Variants in ZSCAN32 observed in about 807,000 individuals in gnomAD.
ZSCAN32 encodes zinc finger and SCAN domain containing 32.
A neutral mutation model predicts 47.4 loss-of-function variants in ZSCAN32; 52 were observed. The observed-to-expected ratio is 1.10, with a 90% CI of 0.88 to 1.38. The LOEUF is 1.38. Among genes scored for constraint, ZSCAN32 ranks in the 40% most tolerant of loss-of-function variants. The pLI, the probability that ZSCAN32 is intolerant of heterozygous loss-of-function variation, is 0.00. For missense variants in ZSCAN32, 959 were observed against 846.0 expected (o/e 1.13, Z -1.66); for synonymous variants, 346 against 305.7 (o/e 1.13, Z -1.38).
chr16:3,384,770 G>C lies in ZSCAN32; in HGVS notation c.923C>G (p.Thr308Ser). The change falls in exon 6 of 7, where the codon ACC (threonine) becomes AGC (serine). Residue 308 changes from threonine to serine, a missense_variant. By Grantham distance (58) the Thr-to-Ser change is moderately conservative (BLOSUM62 1). Transcript: ENST00000396852. Reference protein sequence around the residue: ...GFLRTPEQCRTKFKSLQLSYR... With the variant: ...GFLRTPEQCRSKFKSLQLSYR... ...ACTCAACTGTAGGCTTTTGAACTTG[G>C]TGCGACACTGTTCTGGGGTCCGCAG... is the stretch of plus-strand genomic sequence containing the variant. The C allele has an allele frequency of 1.2e-6, 2 of 1,614,172 alleles. No homozygotes were observed. The highest frequency in any genetic ancestry group is 2.2e-5 in the South Asian group (2 of 91,086).
rs372222404 is a variant in ZSCAN32 at position 3,383,409 on chromosome 16, G to C, written c.1537C>G (p.Pro513Ala). ...CSQSVHSPHK[P>A]ALKLEKVSQC... ...GATACTTTTTCCAGTTTGAGCGCTGGCTTGTGGGGAGAGTGCACACTCTGA... is the reference window on the plus strand; with the variant it reads ...GATACTTTTTCCAGTTTGAGCGCTGCCTTGTGGGGAGAGTGCACACTCTGA... Residue 513 changes from proline to alanine, a missense_variant, in exon 7 of 7, where the codon CCA (proline) becomes GCA (alanine). Transcript: ENST00000396852. The C allele has an allele frequency of 7.1e-5, 114 of 1,614,046 alleles. No homozygotes were observed. The highest frequency in any genetic ancestry group is 9.4e-5 in the Non-Finnish European group (111 of 1,180,018).
intron 5 of ZSCAN32, among the ~76,000 whole-genome samples, 176 bp from the exon 6 acceptor site, chr16:3,385,117 G>A (rs186938258): frequency 7.2e-5 from 11 of 152,280 alleles, no homozygotes; most frequent in Non-Finnish European, 1.3e-4. Context: ...GAGGTCAAGA[G>A]ATCGAGACCA....
At chr16:3,393,164 A>G (rs1165471980) in intron 3 of ZSCAN32, among the ~76,000 whole-genome samples, 1 of 100,846 alleles carries the variant, frequency 9.9e-6, no homozygotes, top group Non-Finnish European at 1.8e-5. Flanking sequence ...AGATATATAT[A>G]TATTTCTATA....
At chr16:3,395,925 G>A (rs2033328654) in intron 2 of ZSCAN32, among the ~76,000 whole-genome samples, 1 of 152,218 alleles carries the variant, frequency 6.6e-6, no homozygotes, top group Non-Finnish European at 1.5e-5. Flanking sequence ...TTGAACCCAG[G>A]AGGCTGAGAC....
chr16:3,400,741 G>C (rs1309738278), intron 1 of ZSCAN32, among the ~76,000 whole-genome samples: 2 of 152,054 alleles, frequency 1.3e-5, no homozygotes, highest in Admixed American at 6.5e-5. Flanking sequence ...TCAGGCTCGG[G>C]GTGATCCGCA....
intron 5 of ZSCAN32, among the ~76,000 whole-genome samples, chr16:3,385,780 T>A (rs369284561): frequency 6.6e-6 from 1 of 152,144 alleles, no homozygotes; most frequent in Admixed American, 6.5e-5. Context: ...TTACACCTTA[T>A]ACAAAAATTA....
chr16:3,397,570 A>T lies in ZSCAN32; in HGVS notation c.-13T>A, dbSNP rs2150908966. On this transcript the variant is annotated 5_prime_UTR_variant, in exon 2 of 7. Transcript: ENST00000396852. ...CTGCAGCCATCATTTGCTTCAACGA[A>T]CTGGCTTACTCTGGTTGCCACTTCT... 1 of 1,518,946 alleles carries T rather than the reference A, an allele frequency of 6.6e-7. No individual in the cohort carries two copies. The highest frequency in any genetic ancestry group is 8.9e-7 in the Non-Finnish European group (1 of 1,128,572). 94.1% of individuals were successfully genotyped at this position (1,518,946 alleles called of 1,614,324 possible).
chr16:3,393,450 T>C (rs1340950899), intron 3 of ZSCAN32, among the ~76,000 whole-genome samples, 199 bp downstream of exon 3: 3 of 149,878 alleles, frequency 2.0e-5, no homozygotes, highest in African/African-American at 7.4e-5. Flanking sequence ...GGTCTCGAAC[T>C]CCTGACCTCA....
intron 2 of ZSCAN32, among the ~76,000 whole-genome samples, chr16:3,395,480 C>T (rs2033282152): frequency 6.6e-6 from 1 of 152,180 alleles, no homozygotes; most frequent in Non-Finnish European, 1.5e-5. Flanking sequence ...TCATTCTTCT[C>T]TTTCCTGCTG....
chr16:3,390,369 G>A, intron 4 of ZSCAN32, 54 bp downstream of exon 4: 4 of 1,482,890 alleles, frequency 2.7e-6, no homozygotes, highest in South Asian at 1.2e-5. Context: ...AAGGAGGAGG[G>A]TTTTGGGGTG....
At chr16:3,398,881 C>T (rs1212007472) in intron 1 of ZSCAN32, among the ~76,000 whole-genome samples, 5 of 152,096 alleles carry the variant, frequency 3.3e-5, no homozygotes, top group African/African-American at 7.2e-5. Flanking sequence ...TTTTATTTTC[C>T]AGCATTCCTT....
rs1333149090 is a variant in ZSCAN32 at position 3,383,452 on chromosome 16, G to C, written c.1494C>G (p.Leu498=). 8.7e-6 allele frequency: 14 copies of C among 1,614,068 alleles called. No individual in the cohort carries two copies. The highest frequency in any genetic ancestry group is 1.1e-5 in the Non-Finnish European group (13 of 1,180,034). The change falls in exon 7 of 7, where the codon CTC becomes CTG. Residue 498 remains leucine (L), a synonymous_variant. Transcript: ENST00000396852. The part of the protein sequence containing the change: ...CARDKACTHI[L]CGKNCSQSVH... ...CACTCTGAGAGCAGTTTTTCCCACAGAGGATATGTGTACAGGCTTTGTCCC... is the reference window on the plus strand; with the variant it reads ...CACTCTGAGAGCAGTTTTTCCCACACAGGATATGTGTACAGGCTTTGTCCC...
Position 3,384,753 on chromosome 16 carries a change from G to C in ZSCAN32, c.940C>G (p.Gln314Glu). Residue 314 changes from glutamine to glutamate, a missense_variant, in exon 6 of 7, where the codon CAG becomes GAG. Coordinates refer to ENST00000396852, the MANE Select transcript of ZSCAN32 (RefSeq NM_001284527.2). ...CTCCTCACTTTGCGGTAACTCAACTGTAGGCTTTTGAACTTGGTGCGACAC... is the reference window on the plus strand; with the variant it reads ...CTCCTCACTTTGCGGTAACTCAACTCTAGGCTTTTGAACTTGGTGCGACAC... ...EQCRTKFKSL[Q>E]LSYRKVRRGR... 1 of 1,614,218 alleles carries C rather than the reference G, an allele frequency of 6.2e-7. No individual in the cohort carries two copies. The highest frequency in any genetic ancestry group is 8.5e-7 in the Non-Finnish European group (1 of 1,180,044).
chr16:3,397,832 C>T, intron 1 of ZSCAN32, 88 bp from the exon 2 acceptor site: 5 of 293,810 alleles, frequency 1.7e-5, no homozygotes, highest in South Asian at 7.4e-5. Flanking sequence ...CTTTCCTTTA[C>T]TCCCTCCACA....
rs1482489052 is a variant in ZSCAN32, at chr16:3,393,703, G to T, written c.478C>A (p.Pro160Thr). ...GAGCTCTGTGATCCCTTAAAAGTCG[G>T]TTCCTCTGGCTGAACCTCCTGTTTC... ...QWKQEVQPEE[P>T]TFKGSQSSHQ... is the part of the protein sequence containing the mutation. The change falls in exon 3 of 7, where the codon CCG becomes ACG. Residue 160 changes from proline (P) to threonine (T), a missense_variant. Physicochemically the swap from Pro to Thr is conservative, Grantham distance 38. Coordinates refer to ENST00000396852, the MANE Select transcript of ZSCAN32 (RefSeq NM_001284527.2). The T allele has an allele frequency of 1.3e-6, 2 of 1,550,236 alleles. No homozygotes were observed. The highest frequency in any genetic ancestry group is 1.2e-5 in the South Asian group (1 of 84,040).
At chr16:3,400,434 G>A (rs2033782464) in intron 1 of ZSCAN32, among the ~76,000 whole-genome samples, 1 of 152,112 alleles carries the variant, frequency 6.6e-6, no homozygotes, top group Admixed American at 6.5e-5. Context: ...TCATGCAGAA[G>A]GCGGAACCTG....
intron 5 of ZSCAN32, among the ~76,000 whole-genome samples, chr16:3,386,383 C>T (rs1017302216): frequency 9.2e-5 from 14 of 151,998 alleles, no homozygotes; most frequent in South Asian, 2.1e-4. Flanking sequence ...GTCAGTGTCG[C>T]GATTCCTCAG....
intron 5 of ZSCAN32, among the ~76,000 whole-genome samples, chr16:3,385,178 T>C (rs945687497): frequency 1.3e-5 from 2 of 151,936 alleles, no homozygotes; most frequent in African/African-American, 2.4e-5. Flanking sequence ...CAACAAAAAA[T>C]AGCTGGGTGT....
At chr16:3,384,348 C>T (rs969179124) in intron 6 of ZSCAN32, 111 bp downstream of exon 6, 2 of 1,462,266 alleles carry the variant, frequency 1.4e-6, no homozygotes, top group African/African-American at 2.8e-5. Flanking sequence ...GGTCACACAT[C>T]AAGATGATGA....
Sources: gnomAD v4.1 joint callset for allele counts (sites outside exome capture counted in the v4.1 genomes callset) on GRCh38, gnomAD v4.1.1 for gene constraint, MANE v1.5 for transcripts, NCBI Gene and HGNC (gene_info 2026-07-23, HGNC 2026-07-21) for gene names.